The following C8orf34 variants were observed in gnomAD, a reference collection of about 807,000 sequenced individuals.
C8orf34 encodes the protein uncharacterized protein C8orf34.
Under a neutral mutation model 68.3 loss-of-function variants are expected in C8orf34, and 65 were observed. The ratio of observed to expected loss-of-function variants is 0.95; its 90% CI spans 0.78 to 1.17. The LOEUF (loss-of-function observed/expected upper bound fraction) is 1.17, where lower values mean the gene tolerates loss of function less well. Ranked by LOEUF, C8orf34 falls within the 50% of genes most tolerant of loss-of-function variation. C8orf34 has a pLI of 0.00. For synonymous variants in C8orf34, 244 were observed against 241.2 expected (o/e 1.01, Z -0.11); for missense variants, 664 against 655.4 (o/e 1.01, Z -0.14).
At chr8:68,717,479 C>T (rs1262491200) in intron 9 of C8orf34, among the ~76,000 whole-genome samples, 4 of 140,750 alleles carry the variant, frequency 2.8e-5, no homozygotes, top group East Asian at 2.2e-4. Flanking sequence ...GGCGACAGAG[C>T]GAGACTCTGT....
rs566205510 is a variant in C8orf34, at chr8:68,753,714, T to C, written c.1405-22685T>C. On this transcript the variant is annotated intron_variant, in intron 10 of 13. Transcript: ENST00000518698. The stretch of plus-strand genomic sequence containing the variant: ...TCTTTTAGAATTTAATGTAGTTTAC[T>C]GAGATAGGCCCTGTCCTACAAATTA... Among the ~76,000 whole-genome samples, 23 of 152,364 alleles carry C rather than the reference T, an allele frequency of 1.5e-4. No individual in the cohort carries two copies. In the South Asian group the frequency reaches 3.1e-3, roughly 21 times the overall value.
At chr8:68,429,614 T>C (rs956783540) in intron 1 of C8orf34, among the ~76,000 whole-genome samples, 3 of 152,202 alleles carry the variant, frequency 2.0e-5, no homozygotes, top group Non-Finnish European at 4.4e-5. Flanking sequence ...ATGGAAATAC[T>C]CAAATACCTT....
intron 10 of C8orf34, among the ~76,000 whole-genome samples, chr8:68,770,699 C>T (rs1028153708): frequency 6.6e-6 from 1 of 151,948 alleles, no homozygotes; most frequent in South Asian, 2.1e-4. Context: ...TATTTTTTTT[C>T]AGCTAATAGT....
chr8:68,348,213 T>C (rs1484116831), intron 1 of C8orf34, among the ~76,000 whole-genome samples: 2 of 152,072 alleles, frequency 1.3e-5, no homozygotes, highest in East Asian at 3.8e-4. Context: ...ATTTGTTGAA[T>C]AGGGAGTTTT....
intron 7 of C8orf34, among the ~76,000 whole-genome samples, chr8:68,616,205 C>T (rs1226950754): frequency 9.2e-5 from 14 of 151,664 alleles, no homozygotes; most frequent in African/African-American, 1.2e-4. Flanking sequence ...GTCTTGCTAG[C>T]GGTCTATCAA....
chr8:68,569,047 G>A (rs187180751), intron 7 of C8orf34, among the ~76,000 whole-genome samples: 42 of 152,306 alleles, frequency 2.8e-4, no homozygotes, highest in African/African-American at 2.4e-4. Flanking sequence ...TAGACTGTCT[G>A]TTTTCTCTTC....
At chr8:68,394,947 G>C (rs1472083714) in intron 1 of C8orf34, among the ~76,000 whole-genome samples, 1 of 151,968 alleles carries the variant, frequency 6.6e-6, no homozygotes, top group Non-Finnish European at 1.5e-5. Flanking sequence ...AGTGATGAGA[G>C]GATACTGTTC....
In C8orf34 at chr8:68,426,761, C is replaced by T. The variant is rs144692352; in HGVS notation, c.328-12738C>T. 9.7e-3 allele frequency among the ~76,000 whole-genome samples: 1,473 copies of T among 151,358 alleles called. 34 individuals are homozygous for T. The highest frequency in any genetic ancestry group is 0.034 in the African/African-American group (1,389 of 41,320). ...GTGGGCACCTGCAATCCCAGCTTCT[C>T]GGGAGGTTGAGGCAGGAGAATCCCT... On this transcript the variant is annotated intron_variant, in intron 1 of 13. Transcript: ENST00000518698.
At chr8:68,386,257 G>A (rs1025389392) in intron 1 of C8orf34, among the ~76,000 whole-genome samples, 1 of 152,100 alleles carries the variant, frequency 6.6e-6, no homozygotes, top group Non-Finnish European at 1.5e-5. Flanking sequence ...CCTGAACTTG[G>A]CATGAATAAT....
chr8:68,514,112 GGTGA>G (rs774630008), intron 5 of C8orf34, among the ~76,000 whole-genome samples: 10 of 152,136 alleles, frequency 6.6e-5, no homozygotes, highest in Non-Finnish European at 4.4e-5. Context: ...CAATTTGAAT[GGTGA>G]GTAAGACATG....
intron 1 of C8orf34, among the ~76,000 whole-genome samples, chr8:68,359,509 A>G (rs1283937929): frequency 6.6e-6 from 1 of 152,230 alleles, no homozygotes; most frequent in African/African-American, 2.4e-5. Context: ...AGACCAACCC[A>G]GAAGTGCTGG....
At chr8:68,796,740 T>A (rs1824187188) in intron 12 of C8orf34, among the ~76,000 whole-genome samples, 1 of 152,036 alleles carries the variant, frequency 6.6e-6, no homozygotes, top group Non-Finnish European at 1.5e-5. Context: ...ATTTACATAA[T>A]CCAATCACTG....
intron 1 of C8orf34, among the ~76,000 whole-genome samples, chr8:68,369,249 C>G (rs1242903098): frequency 6.6e-6 from 1 of 152,174 alleles, no homozygotes; most frequent in African/African-American, 2.4e-5. Flanking sequence ...ATTCACTGCC[C>G]GTAAATCACT....
At chr8:68,426,389 C>G (rs1360239819) in intron 1 of C8orf34, among the ~76,000 whole-genome samples, 1 of 151,608 alleles carries the variant, frequency 6.6e-6, no homozygotes, top group Non-Finnish European at 1.5e-5. Flanking sequence ...CATGATGGTG[C>G]ACTCCTGTAG....
chr8:68,731,897 T>C (rs16934973), intron 10 of C8orf34, among the ~76,000 whole-genome samples: 3,455 of 152,354 alleles, frequency 0.023, 124 homozygotes, highest in African/African-American at 0.077. Flanking sequence ...CTACTGATCA[T>C]TGGGATTGGT....
intron 12 of C8orf34, among the ~76,000 whole-genome samples, chr8:68,788,024 C>A (rs1033153037): frequency 8.5e-5 from 13 of 152,144 alleles, no homozygotes; most frequent in African/African-American, 2.2e-4. Context: ...TGGTTCAAGT[C>A]ACCATATTCT....
intron 10 of C8orf34, among the ~76,000 whole-genome samples, chr8:68,747,190 C>A (rs2129527480): frequency 6.6e-6 from 1 of 152,150 alleles, no homozygotes; most frequent in South Asian, 2.1e-4. Flanking sequence ...AACAACACTT[C>A]ATGCTAAAAA....
At chr8:68,340,622 A>G (rs1278450977) in intron 1 of C8orf34, among the ~76,000 whole-genome samples, 3 of 152,232 alleles carry the variant, frequency 2.0e-5, no homozygotes, top group Non-Finnish European at 4.4e-5. Flanking sequence ...TGGACAATTC[A>G]TGGAACATGA....
chr8:68,665,940 CA>C (rs1819825917), intron 8 of C8orf34, among the ~76,000 whole-genome samples: 1 of 151,980 alleles, frequency 6.6e-6, no homozygotes, highest in Non-Finnish European at 1.5e-5. Flanking sequence ...GGACAGTGCC[CA>C]AAACACATAT....
Sources: gnomAD v4.1 joint callset for allele counts (sites outside exome capture counted in the v4.1 genomes callset) on GRCh38, gnomAD v4.1.1 for gene constraint, MANE v1.5 for transcripts, NCBI Gene and HGNC (gene_info 2026-07-23, HGNC 2026-07-21) for gene names.